Variants in SGCZ observed in about 807,000 individuals in gnomAD.
The protein encoded by SGCZ is sarcoglycan zeta.
A neutral mutation model predicts 41.3 loss-of-function variants in SGCZ; 40 were observed. That is an observed-to-expected ratio of 0.97 (90% CI 0.75 to 1.26). SGCZ has a LOEUF of 1.26. Ranked by LOEUF, SGCZ falls within the 50% of genes most tolerant of loss-of-function variation. The pLI is 0.00. For synonymous variants in SGCZ, 206 were observed against 137.5 expected, an observed-to-expected ratio of 1.50 and a Z score of -3.49; for missense variants, 552 against 369.8, an observed-to-expected ratio of 1.49 and a Z score of -4.04.
chr8:14,417,923 A>G (rs1213190237), intron 2 of SGCZ, among the ~76,000 whole-genome samples: 1 of 151,936 alleles, frequency 6.6e-6, no homozygotes, highest in African/African-American at 2.4e-5. Context: ...CAGGTTTTTA[A>G]TCAGAGATTC....
intron 4 of SGCZ, among the ~76,000 whole-genome samples, chr8:14,195,024 T>C (rs1805220745): frequency 1.3e-5 from 2 of 152,132 alleles, no homozygotes; most frequent in Non-Finnish European, 2.9e-5. Context: ...GAAACCCTAA[T>C]ATACCTAGCA....
chr8:14,368,081 T>C (rs1376272060), intron 2 of SGCZ, among the ~76,000 whole-genome samples: 1 of 152,066 alleles, frequency 6.6e-6, no homozygotes, highest in Admixed American at 6.6e-5. Context: ...AAAAGGTAAG[T>C]AATTTTCCCA....
At chr8:14,263,686 T>C (rs774196197) in intron 3 of SGCZ, among the ~76,000 whole-genome samples, 2 of 152,132 alleles carry the variant, frequency 1.3e-5, no homozygotes, top group African/African-American at 2.4e-5. Flanking sequence ...TTAGCAACTA[T>C]TCAAGTGCCA....
intron 1 of SGCZ, among the ~76,000 whole-genome samples, chr8:14,914,764 C>A (rs12156344): frequency 0.11 from 16,476 of 152,152 alleles, 1,132 homozygotes; most frequent in African/African-American, 0.18. Flanking sequence ...CAATTCATTT[C>A]TTTGTATACT....
chr8:14,529,408 A>G lies in SGCZ; in HGVS notation c.234+25324T>C, dbSNP rs187291010. ...CTGCCAGGGGCTGGCATGCGTGATC[A>G]GCATGAAAGCAAATGTGCCACATTG... On this transcript the variant is annotated intron_variant, in intron 2 of 7. Transcript: ENST00000382080. Among the ~76,000 whole-genome samples, 76 of 152,292 alleles carry G rather than the reference A, an allele frequency of 5.0e-4. No individual in the cohort carries two copies. In the East Asian group the frequency reaches 0.014, roughly 28 times the overall value.
At chr8:15,024,107 T>C (rs1803359955) in intron 1 of SGCZ, among the ~76,000 whole-genome samples, 2 of 152,162 alleles carry the variant, frequency 1.3e-5, no homozygotes, top group South Asian at 2.1e-4. Flanking sequence ...TTATTCACAG[T>C]GGGGTTTTTG....
At chr8:14,658,878 AAAG>A (rs754338153) in intron 1 of SGCZ, among the ~76,000 whole-genome samples, 5 of 152,034 alleles carry the variant, frequency 3.3e-5, no homozygotes, top group African/African-American at 7.2e-5. Flanking sequence ...AAAAAAGAGA[AAAG>A]AAGAAAGAAA....
At chr8:14,616,060 G>C (rs73194137) in intron 1 of SGCZ, among the ~76,000 whole-genome samples, 7 of 151,926 alleles carry the variant, frequency 4.6e-5, no homozygotes, top group African/African-American at 1.5e-4. Flanking sequence ...GAGGCGGGCA[G>C]ATCACGAGGT....
chr8:14,809,349 A>T (rs771513765), intron 1 of SGCZ, among the ~76,000 whole-genome samples: 1 of 152,192 alleles, frequency 6.6e-6, no homozygotes, highest in African/African-American at 2.4e-5. Flanking sequence ...GATGAAATGA[A>T]AAACTTTGTT....
intron 5 of SGCZ, among the ~76,000 whole-genome samples, chr8:14,114,819 T>C (rs1035340419): frequency 2.6e-5 from 4 of 152,016 alleles, no homozygotes; most frequent in Admixed American, 2.6e-4. Context: ...AGTTATGTTT[T>C]ACTAGCAGTT....
intron 1 of SGCZ, among the ~76,000 whole-genome samples, chr8:14,807,847 T>TAACCAAAACAGCATGATACTGG (rs1563283702): frequency 6.6e-6 from 1 of 152,128 alleles, no homozygotes; most frequent in African/African-American, 2.4e-5. Flanking sequence ...AAGGCTACAG[T>TAACCAAAACAGCATGATACTGG]AACCAAAACA....
At chr8:14,708,514 A>T (rs1339927829) in intron 1 of SGCZ, among the ~76,000 whole-genome samples, 1 of 151,724 alleles carries the variant, frequency 6.6e-6, no homozygotes, top group Non-Finnish European at 1.5e-5. Context: ...GACATTTGCC[A>T]TTTATTGCTG....
intron 4 of SGCZ, among the ~76,000 whole-genome samples, chr8:14,222,038 C>A (rs28698754): frequency 0.072 from 10,997 of 152,028 alleles, 520 homozygotes; most frequent in African/African-American, 0.12. Context: ...AACAGAAGTA[C>A]CCCCAACAAA....
At chr8:14,395,241 A>G (rs1306241474) in intron 2 of SGCZ, among the ~76,000 whole-genome samples, 1 of 152,194 alleles carries the variant, frequency 6.6e-6, no homozygotes, top group Non-Finnish European at 1.5e-5. Context: ...TATATTAAAC[A>G]TAGCCTTTGC....
chr8:14,734,560 A>T (rs1798970890), intron 1 of SGCZ, among the ~76,000 whole-genome samples: 1 of 152,130 alleles, frequency 6.6e-6, no homozygotes, highest in African/African-American at 2.4e-5. Context: ...GTCTTTTTAA[A>T]ATGCTTCACG....
intron 1 of SGCZ, among the ~76,000 whole-genome samples, chr8:15,097,111 CCATAAACTGTAAA>C (rs1381676070): frequency 6.6e-6 from 1 of 152,098 alleles, no homozygotes; most frequent in African/African-American, 2.4e-5. Flanking sequence ...TCGCTGGGAT[CCATAAACTGTAAA>C]CATCTTTCTT....
intron 1 of SGCZ, among the ~76,000 whole-genome samples, chr8:14,619,502 T>C (rs1806214842): frequency 6.6e-6 from 1 of 152,074 alleles, no homozygotes; most frequent in South Asian, 2.1e-4. Context: ...AGTCAAACTG[T>C]CCCTGTCTGC....
At chr8:15,148,514 G>A (rs920250144) in intron 1 of SGCZ, among the ~76,000 whole-genome samples, 3 of 152,144 alleles carry the variant, frequency 2.0e-5, no homozygotes, top group South Asian at 2.1e-4. Flanking sequence ...AGCCTTTTCC[G>A]GAGTCATAGG....
chr8:14,654,268 T>C (rs549326597), intron 1 of SGCZ, among the ~76,000 whole-genome samples: 1 of 152,000 alleles, frequency 6.6e-6, no homozygotes, highest in South Asian at 2.1e-4. Flanking sequence ...GCATGGAATG[T>C]TTAGGAGCCA....
Sources: allele counts gnomAD v4.1 joint callset (sites outside exome capture counted in the v4.1 genomes callset), GRCh38; gene constraint gnomAD v4.1.1; transcripts MANE v1.5; gene names NCBI Gene and HGNC (gene_info 2026-07-23, HGNC 2026-07-21).